The following RAD54L2 variants were observed in gnomAD, a reference collection of about 807,000 sequenced individuals.
The protein encoded by RAD54L2 is RAD54 like 2.
Under a neutral mutation model 138.4 loss-of-function variants are expected in RAD54L2, and 27 were observed. The ratio of observed to expected loss-of-function variants is 0.20; its 90% CI spans 0.14 to 0.27. The LOEUF is 0.27. RAD54L2 is among the 10% of genes least tolerant of loss of function. RAD54L2 has a pLI of 1.00. For synonymous variants in RAD54L2, 644 were observed against 723.2 expected (o/e 0.89, Z 1.76); for missense variants, 1,396 against 1,890.2 (o/e 0.74, Z 4.85).
At chr3:51,661,127 A>G (rs945023046) in intron 22 of RAD54L2, among the ~76,000 whole-genome samples, 1 of 151,592 alleles carries the variant, frequency 6.6e-6, no homozygotes. Context: ...ACGCCCAGCT[A>G]ATTTTTGCAT....
rs776385848 is a variant in RAD54L2 at position 51,662,892 on chromosome 3, C to T, written c.3876C>T (p.Gly1292=). 14 of 1,613,664 alleles carry T rather than the reference C, an allele frequency of 8.7e-6. No homozygotes were observed. The highest frequency in any genetic ancestry group is 2.2e-5 in the East Asian group (1 of 44,892). Residue 1292 remains glycine, a synonymous_variant, in exon 23 of 23, where the codon GGC becomes GGT. Transcript: ENST00000684192. The surrounding 1 kb of genome is among the most constrained non-coding windows in gnomAD (Gnocchi z 4.6). ...ATGAACACGGGTATCCAGTCTCTGGCGGGTTTGCCATGCCACCCGTCTCCT... is the reference window on the plus strand; with the variant it reads ...ATGAACACGGGTATCCAGTCTCTGGTGGGTTTGCCATGCCACCCGTCTCCT... ...QPYEHGYPVS[G]GFAMPPVSLN...
chr3:51,547,773 G>C (rs1698732604), intron 2 of RAD54L2, among the ~76,000 whole-genome samples: 2 of 151,896 alleles, frequency 1.3e-5, no homozygotes, highest in Non-Finnish European at 2.9e-5. Flanking sequence ...GGAGAGAGAG[G>C]GTTTTGCCAT....
intron 19 of RAD54L2, among the ~76,000 whole-genome samples, chr3:51,647,682 T>C (rs1701320444): frequency 6.6e-6 from 1 of 152,008 alleles, no homozygotes; most frequent in Non-Finnish European, 1.5e-5. Context: ...AAAAAAATTT[T>C]TTTTTCTTTT....
intron 10 of RAD54L2, among the ~76,000 whole-genome samples, chr3:51,636,037 G>A (rs1029550733): frequency 1.3e-5 from 2 of 152,092 alleles, no homozygotes; most frequent in African/African-American, 2.4e-5. Flanking sequence ...TCCTCTGTTC[G>A]TCTATCCCTG....
intron 5 of RAD54L2, among the ~76,000 whole-genome samples, chr3:51,629,727 G>C (rs1700792068): frequency 6.6e-6 from 1 of 152,118 alleles, no homozygotes; most frequent in Non-Finnish European, 1.5e-5. Context: ...GCCGGGCGTG[G>C]TGGCGTGAGC....
In RAD54L2 at chr3:51,639,988, C is replaced by G; in HGVS notation, c.2220C>G (p.Ile740Met). 9 of 1,599,952 alleles carry G rather than the reference C, an allele frequency of 5.6e-6. No individual in the cohort carries two copies. The highest frequency in any genetic ancestry group is 7.7e-6 in the Non-Finnish European group (9 of 1,168,436). ...IEESVKLGDK[I>M]LVFSQSLSTL... ...AAAGTGTGAAGCTTGGGGACAAGAT[C>G]CTTGTGTTTAGGTAGGATGAGAAAC... is the stretch of plus-strand genomic sequence containing the variant. The change falls in exon 14 of 23, where the codon ATC becomes ATG. Residue 740 changes from isoleucine to methionine, a missense_variant. Around this residue, in one of 7 missense-constraint regions of RAD54L2, gnomAD observed 211 missense variants for 273.8 expected, o/e 0.77. Coordinates refer to ENST00000684192, the MANE Select transcript of RAD54L2 (RefSeq NM_015106.4).
At chr3:51,589,709 T>C (rs12330265) in intron 2 of RAD54L2, among the ~76,000 whole-genome samples, 173 of 108,822 alleles carry the variant, frequency 1.6e-3, no homozygotes, top group African/African-American at 3.0e-3. Context: ...CACACACACA[T>C]ACACACACAT....
chr3:51,649,319 G>A (rs934503610), intron 19 of RAD54L2, among the ~76,000 whole-genome samples: 9 of 152,298 alleles, frequency 5.9e-5, no homozygotes, highest in African/African-American at 1.2e-4. Flanking sequence ...CCAAATCTAC[G>A]TTTGATTGGT....
intron 3 of RAD54L2, among the ~76,000 whole-genome samples, chr3:51,611,082 T>C (rs1297432598): frequency 6.6e-6 from 1 of 152,130 alleles, no homozygotes; most frequent in African/African-American, 2.4e-5. Context: ...TTCAGATACC[T>C]AGCCCATTCC....
chr3:51,637,202 A>G lies in RAD54L2; in HGVS notation c.1381A>G (p.Ile461Val). 6.3e-7 allele frequency: 1 copy of G among 1,593,436 alleles called. No homozygotes were observed. Among genetic ancestry groups the G allele is most frequent in the South Asian group, 1.1e-5 (1 of 87,758 alleles). The change falls in exon 11 of 23, where the codon ATC becomes GTC. Residue 461 changes from isoleucine (I) to valine (V), a missense_variant. Coordinates refer to ENST00000684192, the MANE Select transcript of RAD54L2 (RefSeq NM_015106.4). The surrounding 1 kb of genome is among the most constrained non-coding windows in gnomAD (Gnocchi z 5.9). ...ATGCCGCCCTGGCCCTGATGTAGTA[A>G]TCTGTGATGAGGGACACCGCATCAA... ...ALCRPGPDVV[I>V]CDEGHRIKNC...
chr3:51,635,926 A>G (rs1700974031), intron 10 of RAD54L2, 137 bp downstream of exon 10: 2 of 919,618 alleles, frequency 2.2e-6, no homozygotes, highest in African/African-American at 1.7e-5. Context: ...CTGGTTCCCA[A>G]GATCAGTAGG....
intron 2 of RAD54L2, among the ~76,000 whole-genome samples, chr3:51,557,895 G>T (rs1325989527): frequency 6.8e-6 from 1 of 146,848 alleles, no homozygotes; most frequent in African/African-American, 2.5e-5. Context: ...GTCTCGCTCT[G>T]TTGCAGTGGC....
chr3:51,566,929 T>A (rs1251580045), intron 2 of RAD54L2, among the ~76,000 whole-genome samples: 1 of 152,176 alleles, frequency 6.6e-6, no homozygotes, highest in Non-Finnish European at 1.5e-5. Flanking sequence ...TTTGTCTCCA[T>A]CCTCCAACCT....
chr3:51,565,828 AC>A (rs1317678403), intron 2 of RAD54L2, among the ~76,000 whole-genome samples: 42 of 94,372 alleles, frequency 4.5e-4, no homozygotes, highest in African/African-American at 1.4e-3. Context: ...GAGCTCCCCC[AC>A]CCCCCCCTTT....
chr3:51,559,154 C>T (rs1466312994), intron 2 of RAD54L2, among the ~76,000 whole-genome samples: 3 of 152,146 alleles, frequency 2.0e-5, no homozygotes, highest in South Asian at 2.1e-4. Context: ...GGATTACAGG[C>T]GTGTATTAAT....
At position 51,543,379 on chromosome 3, in the gene RAD54L2, C is replaced by T. The variant is rs112812152; in HGVS notation, c.-55+1729C>T. Among the ~76,000 whole-genome samples the T allele has an allele frequency of 6.2e-3, 947 of 152,134 alleles. 7 individuals carry two copies. The highest frequency in any genetic ancestry group is 0.021 in the African/African-American group (886 of 41,512). On this transcript the variant is annotated intron_variant, in intron 2 of 22. Transcript: ENST00000684192. ...ATGCCAGCACTTTGGCAGGCCAAGG[C>T]GGGCGGATCACCTGAGGTTGGGAGT...
At position 51,627,646 on chromosome 3, in the gene RAD54L2, A is replaced by G; in HGVS notation, c.233A>G (p.Gln78Arg). The G allele has an allele frequency of 6.3e-7, 1 of 1,599,366 alleles. No homozygotes were observed. Among genetic ancestry groups the G allele is most frequent in the East Asian group, 2.3e-5 (1 of 44,012 alleles). ...PPRCTSTTSS[Q>R]SEPSEQLRRH... is the part of the protein sequence containing the mutation. ...CGGTGCACTTCAACTACCTCATCTC[A>G]GTCTGAGCCTTCAGAGCAGCTTAGG... The change falls in exon 4 of 23, where the codon CAG (glutamine) becomes CGG (arginine). Residue 78 changes from glutamine (Q) to arginine (R), a missense_variant. Physicochemically the swap from Gln to Arg is conservative, Grantham distance 43. Around this residue, in one of 7 missense-constraint regions of RAD54L2, gnomAD observed 256 missense variants for 344.6 expected, o/e 0.74. Transcript: ENST00000684192.
intron 2 of RAD54L2, among the ~76,000 whole-genome samples, chr3:51,579,126 A>G (rs1699551216): frequency 1.4e-5 from 2 of 147,392 alleles, no homozygotes; most frequent in African/African-American, 5.0e-5. Flanking sequence ...TCTGATGCAC[A>G]CCTGCTTCTC....
chr3:51,629,423 G>A lies in RAD54L2; in HGVS notation c.431G>A (p.Arg144Lys), dbSNP rs763738108. The stretch of plus-strand genomic sequence containing the variant: ...AGAAGGAAGCGCCTGGAGCAGCAGA[G>A]GAAAGATTATGCAGCCCCTATTCCT... ...LERRKRLEQQ[R>K]KDYAAPIPTV... The change falls in exon 5 of 23, where the codon AGG (arginine) becomes AAG (lysine). Residue 144 changes from arginine (R) to lysine (K), a missense_variant. Coordinates refer to ENST00000684192, the MANE Select transcript of RAD54L2 (RefSeq NM_015106.4). The A allele has an allele frequency of 1.2e-6, 2 of 1,611,830 alleles. No individual in the cohort carries two copies. Among genetic ancestry groups the A allele is most frequent in the Non-Finnish European group, 1.7e-6 (2 of 1,179,074 alleles).
Sources: allele counts gnomAD v4.1 joint callset (sites outside exome capture counted in the v4.1 genomes callset), GRCh38; gene constraint gnomAD v4.1.1; regional missense constraint gnomAD v4.1.1; non-coding constraint Gnocchi (gnomAD v3.1); transcripts MANE v1.5; gene names NCBI Gene and HGNC (gene_info 2026-07-23, HGNC 2026-07-21).